Variants in RAB3IP observed in about 807,000 individuals in gnomAD.
The protein encoded by RAB3IP is rab-3A-interacting protein.
Under a neutral mutation model 59.1 loss-of-function variants are expected in RAB3IP, and 36 were observed. The ratio of observed to expected loss-of-function variants is 0.61; its 90% CI spans 0.47 to 0.80. The LOEUF (loss-of-function observed/expected upper bound fraction) is 0.80. Ranked by LOEUF, RAB3IP falls within the 30% of genes least tolerant of loss-of-function variation. The pLI, the probability that RAB3IP is intolerant of heterozygous loss-of-function variation, is 0.00. For synonymous variants in RAB3IP, 207 were observed against 191.2 expected, an observed-to-expected ratio of 1.08 and a Z score of -0.68; for missense variants, 511 against 536.0, an observed-to-expected ratio of 0.95 and a Z score of 0.46.
At chr12:69,763,682 C>G (rs1374755723) in intron 3 of RAB3IP, among the ~76,000 whole-genome samples, 1 of 151,842 alleles carries the variant, frequency 6.6e-6, no homozygotes, top group Non-Finnish European at 1.5e-5. Flanking sequence ...TTGTATAGTT[C>G]TGTGGTTTAG....
intron 1 of RAB3IP, 65 bp from the exon 2 acceptor site, chr12:69,755,319 G>C: frequency 7.8e-7 from 1 of 1,283,416 alleles, no homozygotes; most frequent in South Asian, 1.4e-5. Flanking sequence ...TATAATTTAT[G>C]CATTTTAATT....
chr12:69,799,501 G>T (rs868621465), intron 6 of RAB3IP, among the ~76,000 whole-genome samples: 9 of 152,182 alleles, frequency 5.9e-5, no homozygotes, highest in Non-Finnish European at 1.3e-4. Context: ...GAAGGCAGGT[G>T]CCAGCAGTGG....
At chr12:69,752,991 T>G (rs1869583987) in intron 1 of RAB3IP, among the ~76,000 whole-genome samples, 1 of 152,232 alleles carries the variant, frequency 6.6e-6, no homozygotes, top group Non-Finnish European at 1.5e-5. Flanking sequence ...TCCTTATTAA[T>G]CTCATCTTTC....
At chr12:69,780,814 T>C (rs149449023) in intron 3 of RAB3IP, among the ~76,000 whole-genome samples, 1 of 152,230 alleles carries the variant, frequency 6.6e-6, no homozygotes, top group Admixed American at 6.5e-5. Context: ...AAATCTTTTT[T>C]TTTTTTAATT....
At chr12:69,809,400 G>C (rs1241389804) in intron 8 of RAB3IP, among the ~76,000 whole-genome samples, 1 of 152,164 alleles carries the variant, frequency 6.6e-6, no homozygotes, top group Admixed American at 6.5e-5. Flanking sequence ...TGCTCGAGGA[G>C]TATCTTTGTA....
chr12:69,797,314 C>T (rs1189833194), intron 6 of RAB3IP, among the ~76,000 whole-genome samples: 2 of 152,130 alleles, frequency 1.3e-5, no homozygotes, highest in Non-Finnish European at 2.9e-5. Flanking sequence ...ATCATAATAT[C>T]TGTCTTGCAC....
At chr12:69,739,660 G>T in intron 1 of RAB3IP, 1 of 635,320 alleles carries the variant, frequency 1.6e-6, no homozygotes. Flanking sequence ...TCGCGCCCAA[G>T]TAGGCAGCTC....
intron 8 of RAB3IP, among the ~76,000 whole-genome samples, chr12:69,807,623 C>T (rs187577021): frequency 0.042 from 5,747 of 138,072 alleles, 106 homozygotes; most frequent in Middle Eastern, 0.061. Flanking sequence ...CGGGCAGAGG[C>T]GCTCCTTACC....
At chr12:69,750,542 CG>C (rs1264541234) in intron 1 of RAB3IP, among the ~76,000 whole-genome samples, 19 of 119,416 alleles carry the variant, frequency 1.6e-4, no homozygotes, top group African/African-American at 2.5e-4. Flanking sequence ...CCCTCTACCT[CG>C]TTTTTTTTTT....
At chr12:69,804,106 G>T (rs1033675521) in intron 8 of RAB3IP, among the ~76,000 whole-genome samples, 2 of 152,124 alleles carry the variant, frequency 1.3e-5, no homozygotes, top group African/African-American at 4.8e-5. Context: ...CTAGTTTACA[G>T]TCCCACCAAC....
chr12:69,754,676 C>T (rs767353658), intron 1 of RAB3IP, among the ~76,000 whole-genome samples: 7 of 152,064 alleles, frequency 4.6e-5, no homozygotes, highest in South Asian at 2.1e-4. Context: ...GTAACGCATT[C>T]GTTAATTAGC....
At position 69,783,300 on chromosome 12, in the gene RAB3IP, G is replaced by A. The variant is rs532191979; in HGVS notation, c.511-1420G>A. 7.9e-5 allele frequency among the ~76,000 whole-genome samples: 12 copies of A among 152,136 alleles called. No homozygotes were observed. In the East Asian group the frequency reaches 1.5e-3, roughly 20 times the overall value. ...GTCAAAAAGGTTTTTCTTTTCCAGC[G>A]CACTGTTTCTGAGAGCTTTACATGC... On this transcript the variant is annotated intron_variant, in intron 3 of 10. Transcript: ENST00000247833.
chr12:69,761,158 C>A (rs942681899), intron 3 of RAB3IP, among the ~76,000 whole-genome samples: 1 of 152,158 alleles, frequency 6.6e-6, no homozygotes, highest in Admixed American at 6.5e-5. Flanking sequence ...AGTCACTACT[C>A]TTTTCTTCTG....
chr12:69,739,469 T>G, intron 1 of RAB3IP: 1 of 219,782 alleles, frequency 4.5e-6, no homozygotes. Flanking sequence ...GAAGAGAGAG[T>G]TCCCGAACAA....
At chr12:69,812,900 T>C in intron 9 of RAB3IP, 23 bp downstream of exon 9, 1 of 1,605,268 alleles carries the variant, frequency 6.2e-7, no homozygotes, top group Non-Finnish European at 8.5e-7. Flanking sequence ...ACCATGAATT[T>C]TAATAAAGCT....
intron 8 of RAB3IP, among the ~76,000 whole-genome samples, chr12:69,802,879 G>A (rs548428336): frequency 1.3e-5 from 2 of 152,248 alleles, no homozygotes; most frequent in Non-Finnish European, 2.9e-5. Context: ...CGTCCACCTC[G>A]CTCCCTCAAG....
intron 4 of RAB3IP, among the ~76,000 whole-genome samples, chr12:69,791,833 A>G (rs951885151): frequency 6.6e-6 from 1 of 152,156 alleles, no homozygotes; most frequent in Admixed American, 6.5e-5. Context: ...CCAAAAGAAA[A>G]TTGCTATCCT....
At chr12:69,806,651 A>G (rs1312275674) in intron 8 of RAB3IP, among the ~76,000 whole-genome samples, 3 of 140,500 alleles carry the variant, frequency 2.1e-5, no homozygotes, top group Non-Finnish European at 4.5e-5. Flanking sequence ...GTGTCATAGG[A>G]TAATAGTGGA....
At chr12:69,757,939 A>G (rs1870492853) in intron 3 of RAB3IP, among the ~76,000 whole-genome samples, 2 of 152,242 alleles carry the variant, frequency 1.3e-5, no homozygotes, top group Admixed American at 6.5e-5. Flanking sequence ...ATTTCCTTTG[A>G]AATCTCTAAT....
Sources: gnomAD v4.1 joint callset for allele counts (sites outside exome capture counted in the v4.1 genomes callset) on GRCh38, gnomAD v4.1.1 for gene constraint, MANE v1.5 for transcripts, NCBI Gene and HGNC (gene_info 2026-07-23, HGNC 2026-07-21) for gene names.